The following CCND3 variants were observed in gnomAD, a reference collection of about 807,000 sequenced individuals.
The protein encoded by CCND3 is cyclin D3.
In CCND3, 9 loss-of-function variants were observed where a neutral mutation model predicts 28.7. That is an observed-to-expected ratio of 0.31 (90% confidence interval 0.19 to 0.55). CCND3 has a LOEUF of 0.55. CCND3 is among the 20% of genes least tolerant of loss of function. The pLI is 0.93. For missense variants in CCND3, 315 were observed against 385.8 expected (o/e 0.82, Z 1.54); for synonymous variants, 164 against 163.9 (o/e 1.00, Z 0.00).
intron 1 of CCND3, among the ~76,000 whole-genome samples, chr6:42,001,806 A>G (rs4714539): frequency 0.98 from 149,153 of 152,234 alleles, 73,135 homozygotes; most frequent in East Asian, 1. Flanking sequence ...CATGGATGTG[A>G]ATGTTTACAT....
chr6:41,966,485 G>A (rs570328292), intron 1 of CCND3, among the ~76,000 whole-genome samples: 2 of 152,112 alleles, frequency 1.3e-5, no homozygotes, highest in Non-Finnish European at 2.9e-5. Context: ...TCTTAGGCAT[G>A]GAGCCCAGGT....
intron 1 of CCND3, among the ~76,000 whole-genome samples, chr6:41,988,190 C>T (rs1762542635): frequency 6.6e-6 from 1 of 151,914 alleles, no homozygotes; most frequent in South Asian, 2.1e-4. Flanking sequence ...CCTGTAATCC[C>T]AGCTACTCGG....
At chr6:42,046,598 T>C (rs1185663020) in intron 1 of CCND3, among the ~76,000 whole-genome samples, 1 of 152,178 alleles carries the variant, frequency 6.6e-6, no homozygotes, top group Non-Finnish European at 1.5e-5. Context: ...TCCCTTTGAG[T>C]GAGGCTTACA....
At chr6:42,018,990 T>C (rs1763616696) in intron 1 of CCND3, among the ~76,000 whole-genome samples, 1 of 152,192 alleles carries the variant, frequency 6.6e-6, no homozygotes, top group Admixed American at 6.6e-5. Flanking sequence ...TCAACTCATT[T>C]TGATTAATCA....
intron 1 of CCND3, among the ~76,000 whole-genome samples, chr6:41,968,801 GTGTT>G (rs147565343): frequency 0.13 from 19,106 of 151,792 alleles, 1,290 homozygotes; most frequent in African/African-American, 0.19. Context: ...GTATTGGTTT[GTGTT>G]TGTTTGTTTG....
chr6:42,038,327 C>T (rs1764284852), intron 1 of CCND3, among the ~76,000 whole-genome samples: 1 of 151,732 alleles, frequency 6.6e-6, no homozygotes, highest in Non-Finnish European at 1.5e-5. Flanking sequence ...TCGCTTGAGC[C>T]CAGGAGTTCA....
chr6:42,023,092 C>T (rs1763759209), intron 1 of CCND3, among the ~76,000 whole-genome samples: 1 of 152,204 alleles, frequency 6.6e-6, no homozygotes, highest in Admixed American at 6.5e-5. Flanking sequence ...CTTTCACAGA[C>T]ATGCGCAAAG....
At chr6:41,982,641 G>T (rs1409535520) in intron 1 of CCND3, among the ~76,000 whole-genome samples, 2 of 152,068 alleles carry the variant, frequency 1.3e-5, no homozygotes, top group Non-Finnish European at 2.9e-5. Context: ...TAAAGGAAAA[G>T]AACAAAGACA....
At position 41,936,952 on chromosome 6, in the gene CCND3, C is replaced by T. The variant is rs973342779; in HGVS notation, c.575-257G>A. ...GACACTCCCTAGTATGGGAACACAACTAGGGCCAAGAGACTGGGGTTCTGT... is the reference window on the plus strand; with the variant it reads ...GACACTCCCTAGTATGGGAACACAATTAGGGCCAAGAGACTGGGGTTCTGT... On this transcript the variant is annotated intron_variant, in intron 3 of 4. Coordinates refer to ENST00000372991, the MANE Select transcript of CCND3 (RefSeq NM_001760.5). The surrounding 1 kb of genome is among the most constrained non-coding windows in gnomAD (Gnocchi z 4.4). 1.7e-6 allele frequency: 1 copy of T among 595,066 alleles called. No homozygotes were observed. The highest frequency in any genetic ancestry group is 3.0e-5 in the Admixed American group (1 of 33,564). 36.9% of individuals were successfully genotyped at this position (595,066 alleles called of 1,614,324 possible).
chr6:41,941,322 GCC>G lies in CCND3; in HGVS notation c.198+128_198+129del, dbSNP rs2127394827. 6.7e-7 allele frequency: 1 copy of G among 1,483,524 alleles called. No homozygotes were observed. Among genetic ancestry groups the G allele is most frequent in the African/African-American group, 1.4e-5 (1 of 71,064 alleles). 91.9% of individuals were successfully genotyped at this position (1,483,524 alleles called of 1,614,324 possible). A position where few individuals can be genotyped will look rare whatever the true frequency, so the allele number is the denominator to read the frequency against. On this transcript the variant is annotated intron_variant, in intron 1 of 4. Coordinates refer to ENST00000372991, the MANE Select transcript of CCND3 (RefSeq NM_001760.5). This position sits in a 1 kb window ranked among gnomAD's most constrained non-coding sequence, Gnocchi z 6.1. ...GCTGGCGTGGGTGCCCTAGTGAAAG[GCC>G]AGGCCCCGGGAGTCTTAGCCTCGGA...
At chr6:42,012,139 A>G (rs1197715039) in intron 1 of CCND3, among the ~76,000 whole-genome samples, 1 of 152,226 alleles carries the variant, frequency 6.6e-6, no homozygotes, top group Non-Finnish European at 1.5e-5. Flanking sequence ...ACTTGGGGAG[A>G]CAGGACAACT....
At chr6:42,031,813 CTTT>C (rs35518846) in intron 1 of CCND3, among the ~76,000 whole-genome samples, 2 of 128,882 alleles carry the variant, frequency 1.6e-5, no homozygotes, top group Admixed American at 8.5e-5. Flanking sequence ...GCAACTGACT[CTTT>C]TTTTTTTTTT....
At chr6:42,008,482 C>T (rs1026879058) in intron 1 of CCND3, among the ~76,000 whole-genome samples, 2 of 152,204 alleles carry the variant, frequency 1.3e-5, no homozygotes, top group African/African-American at 4.8e-5. Context: ...TTGTCAACAG[C>T]TTAGTGTGCA....
At chr6:42,009,997 G>A (rs1044925712) in intron 1 of CCND3, among the ~76,000 whole-genome samples, 1 of 152,144 alleles carries the variant, frequency 6.6e-6, no homozygotes, top group Non-Finnish European at 1.5e-5. Flanking sequence ...GCCCTCCAAG[G>A]AATGCAGGCT....
chr6:42,043,046 T>C (rs1004042063), intron 1 of CCND3, among the ~76,000 whole-genome samples: 1 of 152,150 alleles, frequency 6.6e-6, no homozygotes, highest in African/African-American at 2.4e-5. Flanking sequence ...ATGGGCTGTG[T>C]GTAAGGAAGC....
chr6:41,994,005 A>C (rs180740313), intron 1 of CCND3, among the ~76,000 whole-genome samples: 246 of 149,544 alleles, frequency 1.6e-3, no homozygotes, highest in African/African-American at 5.9e-3. Context: ...ACTTAAGTGG[A>C]TATTACTTAG....
At chr6:41,951,553 C>T (rs1269841343) in intron 1 of CCND3, among the ~76,000 whole-genome samples, 3 of 63,786 alleles carry the variant, frequency 4.7e-5, no homozygotes, top group African/African-American at 1.5e-4. Flanking sequence ...CACACACACA[C>T]ACACACACAC....
chr6:41,947,033 C>T (rs1776189272), intron 1 of CCND3, among the ~76,000 whole-genome samples: 1 of 152,060 alleles, frequency 6.6e-6, no homozygotes, highest in Admixed American at 6.6e-5. Flanking sequence ...GCCTAACCAA[C>T]ATGGTGAAAC....
intron 1 of CCND3, among the ~76,000 whole-genome samples, chr6:41,975,837 TTCTGTTTTTG>T (rs1342295482): frequency 6.6e-6 from 1 of 151,396 alleles, no homozygotes; most frequent in African/African-American, 2.4e-5. Context: ...TTGGAAGCCA[TTCTGTTTTTG>T]TCTGTTTTTT....
Sources: allele counts gnomAD v4.1 joint callset (sites outside exome capture counted in the v4.1 genomes callset), GRCh38; gene constraint gnomAD v4.1.1; non-coding constraint Gnocchi (gnomAD v3.1); transcripts MANE v1.5; gene names NCBI Gene and HGNC (gene_info 2026-07-23, HGNC 2026-07-21).